The following CTNNA2 variants were observed in gnomAD, a reference collection of about 807,000 sequenced individuals.
The protein encoded by CTNNA2 is catenin alpha 2.
A neutral mutation model predicts 101.0 loss-of-function variants in CTNNA2; 42 were observed. That is an observed-to-expected ratio of 0.42 (90% CI 0.32 to 0.54). The LOEUF (loss-of-function observed/expected upper bound fraction) is 0.54, where lower values mean the gene tolerates loss of function less well. CTNNA2 is among the 20% of genes least tolerant of loss of function. The probability of loss-of-function intolerance (pLI) is 0.14; values close to 1 mark genes in which losing one functional copy is unlikely to be tolerated. For missense variants in CTNNA2, 871 were observed against 1,223.1 expected, an observed-to-expected ratio of 0.71 and a Z score of 4.29; for synonymous variants, 450 against 456.4, an observed-to-expected ratio of 0.99 and a Z score of 0.18.
At chr2:80,252,355 CT>C (rs1411255734) in intron 7 of CTNNA2, among the ~76,000 whole-genome samples, 6 of 152,044 alleles carry the variant, frequency 3.9e-5, no homozygotes, top group Admixed American at 1.3e-4. Context: ...TTCTTTATGC[CT>C]TTACTTTTCT....
intron 1 of CTNNA2, among the ~76,000 whole-genome samples, chr2:79,586,125 G>A (rs1251931065): frequency 6.6e-6 from 1 of 152,110 alleles, no homozygotes; most frequent in East Asian, 1.9e-4. Flanking sequence ...GTGGCATCCT[G>A]TACTCCTCCT....
chr2:80,618,502 G>T (rs1241471681), intron 17 of CTNNA2, among the ~76,000 whole-genome samples: 1 of 151,836 alleles, frequency 6.6e-6, no homozygotes, highest in Admixed American at 6.6e-5. Flanking sequence ...ATCCACCCTT[G>T]GGTTAAAAGG....
At chr2:79,291,256 A>G (rs1469872115) in intron 2 of CTNNA2, among the ~76,000 whole-genome samples, 2 of 152,212 alleles carry the variant, frequency 1.3e-5, no homozygotes, top group African/African-American at 2.4e-5. Flanking sequence ...TATTTTGTCT[A>G]TGCTAAAGTA....
intron 3 of CTNNA2, among the ~76,000 whole-genome samples, chr2:79,810,702 G>A (rs1376887280): frequency 5.4e-4 from 81 of 150,330 alleles, no homozygotes; most frequent in Non-Finnish European, 9.6e-4. Context: ...AACAGGCCCT[G>A]GTGTGTGATG....
intron 7 of CTNNA2, among the ~76,000 whole-genome samples, chr2:80,127,992 G>A (rs2148889932): frequency 6.6e-6 from 1 of 151,750 alleles, no homozygotes; most frequent in Middle Eastern, 3.4e-3. Flanking sequence ...CAAACTTTTG[G>A]ACAGGCGATT....
intron 6 of CTNNA2, among the ~76,000 whole-genome samples, chr2:79,892,119 T>A (rs980533541): frequency 6.6e-6 from 1 of 152,170 alleles, no homozygotes; most frequent in African/African-American, 2.4e-5. Flanking sequence ...TATTTTTAAG[T>A]AGATAAAATC....
chr2:79,244,701 T>C (rs145109715), intron 2 of CTNNA2, among the ~76,000 whole-genome samples: 7 of 152,350 alleles, frequency 4.6e-5, no homozygotes, highest in Admixed American at 2.0e-4. Context: ...TGCTGTCTCT[T>C]GCAGCTATAG....
At chr2:80,005,612 A>G (rs1693280130) in intron 7 of CTNNA2, among the ~76,000 whole-genome samples, 1 of 152,152 alleles carries the variant, frequency 6.6e-6, no homozygotes, top group Non-Finnish European at 1.5e-5. Context: ...AGAAAATCCT[A>G]GAAAGCCTAT....
chr2:79,302,936 T>G (rs1240685748), intron 2 of CTNNA2, among the ~76,000 whole-genome samples: 1 of 152,176 alleles, frequency 6.6e-6, no homozygotes. Flanking sequence ...GCTTTTCAGA[T>G]AAGAATAAAA....
rs184962574 is a variant in CTNNA2, at chr2:79,910,789, C to T, written c.1056+992C>T. ...AACAAAGCAGCCATTCAGTGTCTCT[C>T]CCTCCAGCATCTTACCACTCCCATC... On this transcript the variant is annotated intron_variant, in intron 7 of 18. Coordinates refer to ENST00000402739, the MANE Select transcript of CTNNA2 (RefSeq NM_001282597.3). Among the ~76,000 whole-genome samples the T allele has an allele frequency of 3.9e-3, 596 of 152,246 alleles. 9 individuals carry two copies. The highest frequency in any genetic ancestry group is 4.1e-3 in the Non-Finnish European group (281 of 68,020).
chr2:80,392,573 A>C (rs1381960291), intron 7 of CTNNA2, among the ~76,000 whole-genome samples: 1 of 151,726 alleles, frequency 6.6e-6, no homozygotes, highest in Non-Finnish European at 1.5e-5. Flanking sequence ...ATTAAAGAAC[A>C]CTTTTTTTTT....
intron 4 of CTNNA2, among the ~76,000 whole-genome samples, chr2:79,488,906 A>G (rs1476149940): frequency 6.6e-6 from 1 of 152,124 alleles, no homozygotes; most frequent in Non-Finnish European, 1.5e-5. Context: ...CTACCATTCT[A>G]TTGAAATTGC....
intron 7 of CTNNA2, among the ~76,000 whole-genome samples, chr2:80,196,129 T>C (rs1229480887): frequency 1.3e-5 from 2 of 152,198 alleles, no homozygotes; most frequent in African/African-American, 4.8e-5. Flanking sequence ...GTAAAATGCA[T>C]GTAATTATAG....
At chr2:80,288,354 C>T (rs1674956595) in intron 7 of CTNNA2, 1 of 152,148 alleles carries the variant, frequency 6.6e-6, no homozygotes, top group Non-Finnish European at 1.5e-5. Flanking sequence ...CTAGGTGTTT[C>T]ATTACACTTG....
At chr2:80,175,852 G>A (rs1029885915) in intron 7 of CTNNA2, among the ~76,000 whole-genome samples, 7 of 152,182 alleles carry the variant, frequency 4.6e-5, no homozygotes, top group Non-Finnish European at 2.9e-5. Context: ...ATAGTTCAAA[G>A]GCTGAAGAAC....
At chr2:79,583,780 G>A (rs1483437000) in intron 1 of CTNNA2, among the ~76,000 whole-genome samples, 1 of 152,090 alleles carries the variant, frequency 6.6e-6, no homozygotes, top group Admixed American at 6.5e-5. Flanking sequence ...AATTACTAAT[G>A]ACTTGGAGAC....
chr2:79,545,540 T>C (rs181008453), intron 1 of CTNNA2, among the ~76,000 whole-genome samples: 7 of 152,368 alleles, frequency 4.6e-5, no homozygotes, highest in African/African-American at 1.7e-4. Context: ...ATATCCTAAT[T>C]ACATCAAACA....
In CTNNA2 at chr2:79,204,634, T is replaced by C. The variant is rs1674078364; in HGVS notation, c.-406+6558T>C. ...GCTGTTACAACAGAATGCCTGAGAC[T>C]AGGTAATTTATTTTTAAAAAATAGA... On this transcript the variant is annotated intron_variant, in intron 2 of 21. Transcript: ENST00000466387. Among the ~76,000 whole-genome samples, 3 of 152,236 alleles carry C rather than the reference T, an allele frequency of 2.0e-5. No individual in the cohort carries two copies. The South Asian group carries it at 6.2e-4, about 32-fold the overall frequency.
intron 2 of CTNNA2, among the ~76,000 whole-genome samples, chr2:79,252,492 T>C (rs1046017236): frequency 1.3e-5 from 2 of 152,212 alleles, no homozygotes; most frequent in South Asian, 2.1e-4. Context: ...TTATTTTTAA[T>C]GTACAATGTA....
Sources: allele counts gnomAD v4.1 joint callset (sites outside exome capture counted in the v4.1 genomes callset), GRCh38; gene constraint gnomAD v4.1.1; transcripts MANE v1.5; gene names NCBI Gene and HGNC (gene_info 2026-07-23, HGNC 2026-07-21).